Variants in RPUSD3 observed in about 807,000 individuals in gnomAD.
RPUSD3 encodes RNA pseudouridine synthase D3, also known as mitochondrial mRNA pseudouridine synthase RPUSD3.
A neutral mutation model predicts 35.1 loss-of-function variants in RPUSD3; 36 were observed. That is an observed-to-expected ratio of 1.02 (90% confidence interval 0.79 to 1.35). RPUSD3 has a LOEUF of 1.35. RPUSD3 is among the 40% of genes most tolerant of loss of function. RPUSD3 has a pLI of 0.00. For missense variants in RPUSD3, 486 were observed against 441.9 expected (o/e 1.10, Z -0.89); for synonymous variants, 202 against 187.8 (o/e 1.08, Z -0.62).
At chr3:9,843,869 A>C in intron 1 of RPUSD3, 21 bp downstream of exon 1, 5 of 1,593,582 alleles carry the variant, frequency 3.1e-6, no homozygotes, top group Non-Finnish European at 4.3e-6. Context: ...GTCCCGCATG[A>C]GAGAGGGGGT....
exon 9 of RPUSD3, chr3:9,838,089 G>C: frequency 6.2e-7 from 1 of 1,612,342 alleles, no homozygotes; most frequent in Non-Finnish European, 8.5e-7. Context: ...GAGCTCAACA[G>C]GGGTGTCCCT....
chr3:9,839,262 C>G, intron 7 of RPUSD3, 91 bp from the exon 8 acceptor site: 1 of 1,441,864 alleles, frequency 6.9e-7, no homozygotes, highest in Non-Finnish European at 9.4e-7. Flanking sequence ...TGGGGAAACA[C>G]CACCCCCTTT....
rs113584866 is a variant in RPUSD3, at chr3:9,843,888, A to G, written c.125+2T>C. On this transcript the variant is annotated splice_donor_variant, in intron 1 of 8. Transcript: ENST00000383820. LOFTEE classifies it high-confidence loss of function. ...CGCATGAGAGAGGGGGTACTTAATC[A>G]CCGGGCTTCGGTGCCAAAGCCTGCG... 6.2e-7 allele frequency: 1 copy of G among 1,602,232 alleles called. No individual in the cohort carries two copies. The highest frequency in any genetic ancestry group is 8.5e-7 in the Non-Finnish European group (1 of 1,175,036).
intron 6 of RPUSD3, 89 bp downstream of exon 6, chr3:9,840,443 G>C: frequency 6.3e-6 from 10 of 1,596,980 alleles, no homozygotes; most frequent in Non-Finnish European, 8.6e-6. Context: ...GGACAGGAGA[G>C]CCAGCCATCC....
At chr3:9,838,727 TG>T (rs1275421406) in intron 8 of RPUSD3, among the ~76,000 whole-genome samples, 1 of 152,230 alleles carries the variant, frequency 6.6e-6, no homozygotes, top group African/African-American at 2.4e-5. Context: ...TAGAGGCATC[TG>T]GTGTCCTAAT....
At chr3:9,840,379 A>C in intron 6 of RPUSD3, 72 bp from the exon 7 acceptor site, 1 of 1,613,560 alleles carries the variant, frequency 6.2e-7, no homozygotes, top group South Asian at 1.1e-5. Context: ...CCCTGCTCCC[A>C]ATAGACTCCG....
At chr3:9,841,410 G>C (rs1289210694) in intron 4 of RPUSD3, 2 of 154,168 alleles carry the variant, frequency 1.3e-5, no homozygotes, top group Non-Finnish European at 2.9e-5. Flanking sequence ...CATCTTCTGA[G>C]CTCAGGTGAT....
In RPUSD3 at chr3:9,843,452, T is replaced by TCTCACCC; in HGVS notation, c.262+6_262+12dup. 6.2e-7 allele frequency: 1 copy of TCTCACCC among 1,613,546 alleles called. No homozygotes were observed. The highest frequency in any genetic ancestry group is 8.5e-7 in the Non-Finnish European group (1 of 1,179,712). On this transcript the variant is annotated intron_variant, in intron 2 of 8. Transcript: ENST00000383820. ...CTCCCGGTCCTTGTGCGGCCGTGCC[T>TCTCACCC]CTCACCCCTCACCTTTCCGGTCCAC...
intron 7 of RPUSD3, 200 bp from the exon 8 acceptor site, chr3:9,839,371 C>A (rs1306130384): frequency 5.4e-6 from 3 of 552,220 alleles, no homozygotes; most frequent in Non-Finnish European, 6.2e-6. Flanking sequence ...ATCTGCCTGG[C>A]TGTGGGATCC....
chr3:9,838,402 G>A (rs997103997), intron 8 of RPUSD3, among the ~76,000 whole-genome samples, 195 bp from the exon 9 acceptor site: 4 of 152,174 alleles, frequency 2.6e-5, no homozygotes, highest in African/African-American at 9.7e-5. Context: ...TGGCTAGGGG[G>A]TCACCCAATC....
chr3:9,839,145 T>C (rs1401823985), exon 8 of RPUSD3: 1 of 1,613,108 alleles, frequency 6.2e-7, no homozygotes, highest in Non-Finnish European at 8.5e-7. Context: ...TGTAGTACCA[T>C]GTGCACCTGT....
Position 9,838,221 on chromosome 3 carries a change from G to A in RPUSD3, c.865-14C>T, listed in dbSNP as rs752838704. 6.2e-7 allele frequency: 1 copy of A among 1,611,456 alleles called. No individual in the cohort carries two copies. The highest frequency in any genetic ancestry group is 1.1e-5 in the South Asian group (1 of 90,954). ...TTCATCCAGGACCTGGAGCGGGAGA[G>A]GTACGTTGTGTTCAGCCCCACATTT... On this transcript the variant is annotated splice_polypyrimidine_tract_variant and intron_variant, in intron 8 of 8. Coordinates refer to ENST00000383820, the Ensembl canonical transcript of RPUSD3.
chr3:9,843,989 A>C (rs1277412187), exon 1 of RPUSD3: 2 of 1,597,316 alleles, frequency 1.3e-6, no homozygotes, highest in Admixed American at 1.7e-5. Context: ...GCGGCCGTCC[A>C]TCTCCCGAGC....
intron 4 of RPUSD3, chr3:9,841,202 G>A (rs1032200712): frequency 3.0e-5 from 5 of 166,978 alleles, no homozygotes; most frequent in African/African-American, 1.2e-4. Context: ...ATCATGGATC[G>A]ACTAGCAATG....
At chr3:9,843,950 C>A in exon 1 of RPUSD3, 1 of 1,607,490 alleles carries the variant, frequency 6.2e-7, no homozygotes, top group Non-Finnish European at 8.5e-7. Context: ...GCCCCGCCGC[C>A]AGCCACTCCA....
chr3:9,839,733 A>G (rs1421689966), intron 7 of RPUSD3: 1 of 159,814 alleles, frequency 6.3e-6, no homozygotes, highest in Non-Finnish European at 1.4e-5. Context: ...GCGTGCCACC[A>G]ACTCCAGCTA....
exon 1 of RPUSD3, chr3:9,843,998 G>A (rs1575434054): frequency 1.9e-6 from 3 of 1,591,002 alleles, no homozygotes; most frequent in East Asian, 4.5e-5. Context: ...CATCTCCCGA[G>A]CCAGGACAGC....
chr3:9,843,458 C>A lies in RPUSD3; in HGVS notation c.262+7G>T. On this transcript the variant is annotated splice_region_variant and intron_variant, in intron 2 of 8. Coordinates refer to ENST00000383820, the Ensembl canonical transcript of RPUSD3. Reference sequence around the variant, plus strand: ...GTCCTTGTGCGGCCGTGCCTCTCACCCCTCACCTTTCCGGTCCACCACGGC... The same window carrying A: ...GTCCTTGTGCGGCCGTGCCTCTCACACCTCACCTTTCCGGTCCACCACGGC... 1 of 1,613,860 alleles carries A rather than the reference C, an allele frequency of 6.2e-7. No homozygotes were observed. Among genetic ancestry groups the A allele is most frequent in the Middle Eastern group, 1.7e-4 (1 of 6,060 alleles).
At position 9,840,173 on chromosome 3, in the gene RPUSD3, G is replaced by A; in HGVS notation, c.724+11C>T. On this transcript the variant is annotated intron_variant, in intron 7 of 8. Transcript: ENST00000383820. The stretch of plus-strand genomic sequence containing the variant: ...TGCAGTTTTAAAGGCTGGCTAGGGT[G>A]CCAGACCTACCTGTCAGTGGCTGCA... 6.2e-7 allele frequency: 1 copy of A among 1,610,640 alleles called. No individual in the cohort carries two copies.
Sources: allele counts gnomAD v4.1 joint callset (sites outside exome capture counted in the v4.1 genomes callset), GRCh38; gene constraint gnomAD v4.1.1; transcripts MANE v1.5; gene names NCBI Gene and HGNC (gene_info 2026-07-23, HGNC 2026-07-21).